ZEB2: variants seen among roughly 807,000 people sequenced by gnomAD.
The protein encoded by ZEB2 is zinc finger E-box binding homeobox 2.
Under a neutral mutation model 99.9 loss-of-function variants are expected in ZEB2, and 6 were observed. The ratio of observed to expected loss-of-function variants is 0.06; its 90% confidence interval spans 0.03 to 0.12. ZEB2 has a LOEUF of 0.12. Among genes scored for constraint, ZEB2 ranks in the 10% least tolerant of loss-of-function variants. The pLI is 1.00. For synonymous variants in ZEB2, 517 were observed against 542.5 expected (o/e 0.95, Z 0.65); for missense variants, 969 against 1,502.8 (o/e 0.64, Z 5.87).
chr2:144,467,872 G>A (rs962141614), intron 2 of ZEB2, among the ~76,000 whole-genome samples: 2 of 152,128 alleles, frequency 1.3e-5, no homozygotes, highest in African/African-American at 4.8e-5. Flanking sequence ...ATAGCAATGC[G>A]TGCTGATTGA....
chr2:144,498,133 T>A (rs572832862), intron 2 of ZEB2, among the ~76,000 whole-genome samples: 2 of 107,960 alleles, frequency 1.9e-5, no homozygotes, highest in African/African-American at 3.8e-5. Flanking sequence ...ATATTATATA[T>A]TATATAATAT....
rs202115332 is a variant in ZEB2, at chr2:144,497,863, A to AT, written c.73+19414dup. ...TATATATGTCATTCTCAACATATATATATATATGTCATTCTCAACATATAT... is the reference window on the plus strand; with the variant it reads ...TATATATGTCATTCTCAACATATATATTATATATGTCATTCTCAACATATAT... On this transcript the variant is annotated intron_variant, in intron 2 of 9. Coordinates refer to ENST00000627532, the MANE Select transcript of ZEB2 (RefSeq NM_014795.4). 6 of 2,374 alleles carry AT rather than the reference A, an allele frequency of 2.5e-3. 1 individual carries two copies. Among genetic ancestry groups the AT allele is most frequent in the Non-Finnish European group, 1.3e-3 (1 of 782 alleles). The allele number at this position is 2,374 out of a possible 1,614,324, so 0.1% of individuals were successfully genotyped here.
At chr2:144,459,989 G>A (rs1000497388) in intron 2 of ZEB2, among the ~76,000 whole-genome samples, 2 of 152,164 alleles carry the variant, frequency 1.3e-5, no homozygotes, top group Admixed American at 6.5e-5. Flanking sequence ...AAGAAAATAT[G>A]AAGAAAGGTT....
chr2:144,393,313 A>C (rs893371868), intron 9 of ZEB2, among the ~76,000 whole-genome samples: 23 of 152,224 alleles, frequency 1.5e-4, no homozygotes, highest in African/African-American at 4.8e-5. Context: ...AAATAAATTG[A>C]GGCAAAAAAA....
At chr2:144,474,314 C>T (rs999226518) in intron 2 of ZEB2, among the ~76,000 whole-genome samples, 1 of 152,132 alleles carries the variant, frequency 6.6e-6, no homozygotes, top group African/African-American at 2.4e-5. Context: ...TATGTGCTTC[C>T]GAATCAAAGA....
At chr2:144,454,059 A>G (rs748749663) in intron 2 of ZEB2, among the ~76,000 whole-genome samples, 5 of 152,220 alleles carry the variant, frequency 3.3e-5, no homozygotes, top group South Asian at 4.1e-4. Context: ...AATTACCACA[A>G]ATCTCTGTTG....
intron 2 of ZEB2, chr2:144,455,277 G>A (rs1175097171): frequency 1.3e-5 from 2 of 152,122 alleles, no homozygotes; most frequent in East Asian, 1.9e-4. Flanking sequence ...ACCAGGAACC[G>A]CTTTTGATTC....
intron 2 of ZEB2, chr2:144,513,516 C>T: frequency 6.5e-7 from 1 of 1,527,854 alleles, no homozygotes; most frequent in Non-Finnish European, 8.7e-7. Context: ...AAGACAACTT[C>T]ATTTCTTTCT....
At chr2:144,460,117 T>G (rs974756069) in intron 2 of ZEB2, among the ~76,000 whole-genome samples, 1 of 152,186 alleles carries the variant, frequency 6.6e-6, no homozygotes, top group Admixed American at 6.5e-5. Context: ...TCATTCTGAA[T>G]GCAATTCTGG....
At chr2:144,507,074 A>G (rs189053946) in intron 2 of ZEB2, among the ~76,000 whole-genome samples, 166 of 152,336 alleles carry the variant, frequency 1.1e-3, no homozygotes, top group African/African-American at 3.8e-3. Context: ...TATTTGTGAT[A>G]TATAAAGGTG....
chr2:144,432,489 T>G (rs900002342), intron 2 of ZEB2, among the ~76,000 whole-genome samples: 9 of 152,102 alleles, frequency 5.9e-5, no homozygotes, highest in Non-Finnish European at 1.5e-5. Context: ...TGAGACAATC[T>G]CATTCTGCTC....
chr2:144,517,494 C>T, intron 1 of ZEB2, 75 bp from the exon 2 acceptor site: 1 of 982,660 alleles, frequency 1.0e-6, no homozygotes, highest in Non-Finnish European at 1.6e-6. Flanking sequence ...CCAGGGGAGC[C>T]GGGCCAGGGC....
rs1267780275 is a variant in ZEB2, at chr2:144,487,796, G to A, written c.73+29482C>T. 3.9e-5 allele frequency among the ~76,000 whole-genome samples: 6 copies of A among 152,054 alleles called. No homozygotes were observed. In the East Asian group the frequency reaches 9.6e-4, roughly 24 times the overall value. On this transcript the variant is annotated intron_variant, in intron 2 of 9. Coordinates refer to ENST00000627532, the MANE Select transcript of ZEB2 (RefSeq NM_014795.4). ...ATGATTAAAATTTAAGGATAATTAC[G>A]GTAAAAAGTTATTCTGTGAAAAAGA...
intron 4 of ZEB2, among the ~76,000 whole-genome samples, chr2:144,419,556 T>C (rs1384464938): frequency 6.6e-6 from 1 of 152,238 alleles, no homozygotes; most frequent in Admixed American, 6.5e-5. Context: ...ACCATGCACC[T>C]AAGATAGCTC....
chr2:144,494,525 T>C (rs1704733441), intron 2 of ZEB2: 1 of 152,226 alleles, frequency 6.6e-6, no homozygotes, highest in Non-Finnish European at 1.5e-5. Flanking sequence ...CATCTCTAAG[T>C]TCATTTCCTT....
intron 2 of ZEB2, among the ~76,000 whole-genome samples, chr2:144,509,281 CA>C (rs1016163578): frequency 2.1e-4 from 32 of 152,294 alleles, no homozygotes; most frequent in African/African-American, 7.2e-4. Flanking sequence ...CCTCCTTTTG[CA>C]AACAGACTCC....
At chr2:144,497,565 C>A (rs1389998181) in intron 2 of ZEB2, 1 of 157,920 alleles carries the variant, frequency 6.3e-6, no homozygotes, top group Non-Finnish European at 1.5e-5. Context: ...GTGAAAGAAG[C>A]CCTCAGTAGA....
At chr2:144,437,562 T>G (rs925730265) in intron 2 of ZEB2, among the ~76,000 whole-genome samples, 2 of 152,182 alleles carry the variant, frequency 1.3e-5, no homozygotes, top group African/African-American at 4.8e-5. Flanking sequence ...CTGAAGGATA[T>G]TCAAGAGGAA....
At chr2:144,468,071 T>A (rs1704296470) in intron 2 of ZEB2, among the ~76,000 whole-genome samples, 1 of 151,974 alleles carries the variant, frequency 6.6e-6, no homozygotes, top group African/African-American at 2.4e-5. Flanking sequence ...GTTTGGAAGA[T>A]CTGGGTTGGG....
Sources: gnomAD v4.1 joint callset for allele counts (sites outside exome capture counted in the v4.1 genomes callset) on GRCh38, gnomAD v4.1.1 for gene constraint, MANE v1.5 for transcripts, NCBI Gene and HGNC (gene_info 2026-07-23, HGNC 2026-07-21) for gene names.